CFAP299: variants seen among roughly 807,000 people sequenced by gnomAD.
CFAP299 encodes the protein cilia and flagella associated protein 299.
Under a neutral mutation model 27.0 loss-of-function variants are expected in CFAP299, and 21 were observed. The ratio of observed to expected loss-of-function variants is 0.78; its 90% confidence interval spans 0.55 to 1.12. CFAP299 has a LOEUF of 1.12. Ranked by LOEUF, CFAP299 falls within the 50% of genes most tolerant of loss-of-function variation. The pLI is 0.00. For synonymous variants in CFAP299, 104 were observed against 98.1 expected, an observed-to-expected ratio of 1.06 and a Z score of -0.36; for missense variants, 310 against 276.6, an observed-to-expected ratio of 1.12 and a Z score of -0.86.
At chr4:80,741,535 A>C (rs182534723) in intron 3 of CFAP299, among the ~76,000 whole-genome samples, 2 of 152,060 alleles carry the variant, frequency 1.3e-5, no homozygotes, top group Non-Finnish European at 2.9e-5. Context: ...GCTGTATCCT[A>C]CTGTGGCTGA....
intron 1 of CFAP299, among the ~76,000 whole-genome samples, chr4:80,353,931 C>G (rs1359383800): frequency 2.0e-5 from 3 of 152,132 alleles, no homozygotes; most frequent in African/African-American, 4.8e-5. Flanking sequence ...TCTTTCAACA[C>G]CAGGCACCAA....
At chr4:80,861,037 G>C (rs1172787195) in intron 3 of CFAP299, among the ~76,000 whole-genome samples, 10 of 152,214 alleles carry the variant, frequency 6.6e-5, no homozygotes, top group African/African-American at 1.2e-4. Flanking sequence ...AGGCAGGCAG[G>C]CCTCCTTGAG....
Position 80,861,455 on chromosome 4 carries a change from G to A in CFAP299, c.334-8538G>A, listed in dbSNP as rs569622950. Reference sequence around the variant, plus strand: ...ACTGTCTGGCACTCCCTAGTGAGATGAACCCGGTACCTCAGATGGAAATGC... The same window carrying A: ...ACTGTCTGGCACTCCCTAGTGAGATAAACCCGGTACCTCAGATGGAAATGC... On this transcript the variant is annotated intron_variant, in intron 3 of 5. Transcript: ENST00000358105. Among the ~76,000 whole-genome samples, 528 of 152,276 alleles carry A rather than the reference G, an allele frequency of 3.5e-3. 4 individuals carry two copies. Among genetic ancestry groups the A allele is most frequent in the Middle Eastern group, 0.01 (3 of 294 alleles).
rs76491037 is a variant in CFAP299, at chr4:80,855,026, T to C, written c.334-14967T>C. ...TACTAAAATACGATGGTTTAATGGA[T>C]TAGTGACTCCAAAGAGCCGAAAGGA... is the stretch of plus-strand genomic sequence containing the variant. On this transcript the variant is annotated intron_variant, in intron 3 of 5. Transcript: ENST00000358105. 2.5e-3 allele frequency among the ~76,000 whole-genome samples: 382 copies of C among 152,026 alleles called. 1 individual carries two copies. The highest frequency in any genetic ancestry group is 8.7e-3 in the African/African-American group (361 of 41,492).
At chr4:80,816,729 A>G (rs78068800) in intron 3 of CFAP299, among the ~76,000 whole-genome samples, 6 of 152,256 alleles carry the variant, frequency 3.9e-5, no homozygotes, top group African/African-American at 7.2e-5. Flanking sequence ...TCAACTGGAA[A>G]CCATCAGTAT....
chr4:80,497,306 A>G (rs1409878529), intron 2 of CFAP299, among the ~76,000 whole-genome samples: 1 of 152,220 alleles, frequency 6.6e-6, no homozygotes, highest in Non-Finnish European at 1.5e-5. Context: ...TTCTCAAAGT[A>G]ATAGTGTAAT....
intron 2 of CFAP299, among the ~76,000 whole-genome samples, chr4:80,562,622 C>T (rs1456550079): frequency 6.6e-6 from 1 of 150,786 alleles, no homozygotes; most frequent in Non-Finnish European, 1.5e-5. Context: ...CATGCCACTA[C>T]ACTCCAGCCT....
intron 3 of CFAP299, among the ~76,000 whole-genome samples, chr4:80,616,383 C>A (rs939646928): frequency 1.4e-4 from 22 of 151,774 alleles, no homozygotes; most frequent in Non-Finnish European, 3.2e-4. Context: ...CACGCGTGTA[C>A]TTTTATATGT....
chr4:80,398,060 C>G (rs1725915463), intron 2 of CFAP299, among the ~76,000 whole-genome samples: 2 of 152,180 alleles, frequency 1.3e-5, no homozygotes, highest in East Asian at 3.9e-4. Context: ...AACAGAGAGC[C>G]AAATCATTTG....
At chr4:80,615,993 T>C (rs2109924250) in intron 3 of CFAP299, among the ~76,000 whole-genome samples, 1 of 152,324 alleles carries the variant, frequency 6.6e-6, no homozygotes, top group South Asian at 2.1e-4. Flanking sequence ...CCTATATTAA[T>C]ACTCAGTTAC....
At position 80,951,623 on chromosome 4, in the gene CFAP299, C is replaced by T. The variant is rs897840225; in HGVS notation, c.606+6684C>T. On this transcript the variant is annotated intron_variant, in intron 5 of 5. Coordinates refer to ENST00000358105, the MANE Select transcript of CFAP299 (RefSeq NM_152770.3). ...ACCAATCAGAGAACTCAAGGCTCTT[C>T]CCTTAGATATCAGACTGAATCCATC... 6.6e-5 allele frequency among the ~76,000 whole-genome samples: 10 copies of T among 152,144 alleles called. No homozygotes were observed. The South Asian group carries it at 2.1e-3, about 32-fold the overall frequency.
intron 4 of CFAP299, among the ~76,000 whole-genome samples, chr4:80,908,411 C>T (rs1735293416): frequency 6.6e-6 from 1 of 152,154 alleles, no homozygotes; most frequent in Admixed American, 6.6e-5. Context: ...TTTTGTTCTT[C>T]CCCATTCTTT....
chr4:80,894,549 A>G (rs1734515877), intron 4 of CFAP299, among the ~76,000 whole-genome samples: 1 of 152,064 alleles, frequency 6.6e-6, no homozygotes, highest in Non-Finnish European at 1.5e-5. Context: ...ATCATAACAT[A>G]AAGTTTTAAA....
chr4:80,529,475 T>G (rs972270726), intron 2 of CFAP299, among the ~76,000 whole-genome samples: 1 of 152,190 alleles, frequency 6.6e-6, no homozygotes, highest in Admixed American at 6.5e-5. Context: ...ATTGTTTATT[T>G]TCTCTCAATC....
chr4:80,827,507 C>G (rs1730050359), intron 3 of CFAP299, among the ~76,000 whole-genome samples: 1 of 151,708 alleles, frequency 6.6e-6, no homozygotes, highest in South Asian at 2.1e-4. Flanking sequence ...TTCAACAAAA[C>G]TTGACTCTCT....
intron 3 of CFAP299, among the ~76,000 whole-genome samples, chr4:80,645,391 CCT>C (rs1739954256): frequency 6.6e-6 from 1 of 152,068 alleles, no homozygotes; most frequent in Non-Finnish European, 1.5e-5. Context: ...AAAATATTAA[CCT>C]AATCTACCTC....
intron 3 of CFAP299, among the ~76,000 whole-genome samples, chr4:80,699,396 G>T (rs980612520): frequency 6.6e-6 from 1 of 151,968 alleles, no homozygotes; most frequent in African/African-American, 2.4e-5. Flanking sequence ...CATAACTCCC[G>T]ATCAGCTGTC....
chr4:80,657,663 A>G (rs1009837427), intron 3 of CFAP299, among the ~76,000 whole-genome samples: 6 of 152,160 alleles, frequency 3.9e-5, no homozygotes, highest in Admixed American at 1.3e-4. Context: ...AGGTAGCATG[A>G]TGCCTCCAGC....
At chr4:80,388,008 C>A in intron 2 of CFAP299, 2 of 712,446 alleles carry the variant, frequency 2.8e-6, no homozygotes, top group Non-Finnish European at 5.0e-6. Flanking sequence ...TGGTTTGGCA[C>A]CTCCAGGGGT....
Sources: gnomAD v4.1 joint callset for allele counts (sites outside exome capture counted in the v4.1 genomes callset) on GRCh38, gnomAD v4.1.1 for gene constraint, MANE v1.5 for transcripts, NCBI Gene and HGNC (gene_info 2026-07-23, HGNC 2026-07-21) for gene names.